PIK3C2G: variants seen among roughly 807,000 people sequenced by gnomAD.
PIK3C2G encodes phosphatidylinositol 3-kinase C2 domain-containing subunit gamma.
In PIK3C2G, 168 loss-of-function variants were observed where a neutral mutation model predicts 181.1. The ratio of observed to expected loss-of-function variants is 0.93; its 90% CI spans 0.82 to 1.05. The LOEUF (loss-of-function observed/expected upper bound fraction) is 1.05. Among genes scored for constraint, PIK3C2G ranks in the 50% least tolerant of loss-of-function variants. The probability of loss-of-function intolerance (pLI) is 0.00; values close to 1 mark genes in which losing one functional copy is unlikely to be tolerated. For missense variants in PIK3C2G, 1,869 were observed against 1,732.8 expected, an observed-to-expected ratio of 1.08 and a Z score of -1.40; for synonymous variants, 573 against 592.2, an observed-to-expected ratio of 0.97 and a Z score of 0.47.
chr12:18,450,534 C>T (rs1235477985), intron 18 of PIK3C2G, among the ~76,000 whole-genome samples: 1 of 152,138 alleles, frequency 6.6e-6, no homozygotes, highest in African/African-American at 2.4e-5. Context: ...CTGTACATTT[C>T]CTGTTCACTC....
the PIK3C2G span, chr12:18,723,574 G>A: frequency 3.9e-5 from 59 of 1,507,770 alleles, no homozygotes; most frequent in Middle Eastern, 3.5e-4. Flanking sequence ...GGCTCACATT[G>A]TGAGTATAAA....
intron 1 of PIK3C2G, among the ~76,000 whole-genome samples, chr12:18,274,752 A>G (rs1215381097): frequency 6.6e-6 from 1 of 152,172 alleles, no homozygotes; most frequent in African/African-American, 2.4e-5. Flanking sequence ...ATGTATCCAT[A>G]TGTAACAAAC....
intron 26 of PIK3C2G, among the ~76,000 whole-genome samples, chr12:18,555,226 T>C (rs899200235): frequency 6.6e-6 from 1 of 152,202 alleles, no homozygotes; most frequent in Non-Finnish European, 1.5e-5. Context: ...CATCAGGTGT[T>C]GCCTAAGAAC....
At chr12:18,659,108 A>C in the PIK3C2G span, among the ~76,000 whole-genome samples, 1 of 152,158 alleles carries the variant, frequency 6.6e-6, no homozygotes, top group African/African-American at 2.4e-5. Flanking sequence ...AGACACACTA[A>C]AAGTGGGCCA....
At position 18,390,263 on chromosome 12, in the gene PIK3C2G, G is replaced by A. The variant is rs116838649; in HGVS notation, c.1996-859G>A. ...AACTGAAACTCACACCATCTACTTT[G>A]TAAGGTTCCTCAATTTTTTCTGAGA... On this transcript the variant is annotated intron_variant, in intron 14 of 32. Coordinates refer to ENST00000538779, the MANE Select transcript of PIK3C2G (RefSeq NM_001288772.2). 1.4e-3 allele frequency among the ~76,000 whole-genome samples: 218 copies of A among 152,138 alleles called. 1 individual carries two copies. The highest frequency in any genetic ancestry group is 5.1e-3 in the African/African-American group (212 of 41,512).
chr12:18,694,304 C>T, the PIK3C2G span, among the ~76,000 whole-genome samples: 10,461 of 152,094 alleles, frequency 0.069, 410 homozygotes, highest in Middle Eastern at 0.088. Flanking sequence ...CCCAATAAAG[C>T]GCGCTCTTTC....
At chr12:18,610,841 C>T (rs1490913225) in intron 31 of PIK3C2G, among the ~76,000 whole-genome samples, 1 of 151,968 alleles carries the variant, frequency 6.6e-6, no homozygotes, top group African/African-American at 2.4e-5. Context: ...TACATATGTA[C>T]TTCATATATG....
intron 31 of PIK3C2G, among the ~76,000 whole-genome samples, chr12:18,617,447 T>G (rs764851366): frequency 9.9e-5 from 15 of 152,152 alleles, no homozygotes; most frequent in Non-Finnish European, 2.1e-4. Context: ...TTTATACATG[T>G]TTCACCAAAA....
At chr12:18,255,216 AAAATAAATAAAT>A (rs59041304) in intron 1 of PIK3C2G, among the ~76,000 whole-genome samples, 226 of 131,916 alleles carry the variant, frequency 1.7e-3, no homozygotes, top group African/African-American at 4.6e-3. Context: ...CTCCGTCTCA[AAAATAAATAAAT>A]AAATAAATAA....
chr12:18,362,184 G>A (rs1462524669), intron 11 of PIK3C2G, among the ~76,000 whole-genome samples: 3 of 152,126 alleles, frequency 2.0e-5, no homozygotes, highest in African/African-American at 4.8e-5. Context: ...GTGGAGAGAG[G>A]CAATAGCAAG....
At chr12:18,672,814 G>A in the PIK3C2G span, among the ~76,000 whole-genome samples, 1 of 152,132 alleles carries the variant, frequency 6.6e-6, no homozygotes, top group East Asian at 1.9e-4. Flanking sequence ...GAGCAAGAGG[G>A]CACAGAAATG....
chr12:18,502,432 G>T (rs1416462967), intron 22 of PIK3C2G, among the ~76,000 whole-genome samples: 1 of 152,148 alleles, frequency 6.6e-6, no homozygotes, highest in Non-Finnish European at 1.5e-5. Flanking sequence ...TCCTGCAATT[G>T]TCGAGACTAT....
At chr12:18,368,163 A>G (rs899469578) in intron 12 of PIK3C2G, among the ~76,000 whole-genome samples, 2 of 152,198 alleles carry the variant, frequency 1.3e-5, no homozygotes, top group Non-Finnish European at 2.9e-5. Context: ...TGGGGACACC[A>G]AGCCAAATCA....
Position 18,282,755 on chromosome 12 carries a change from T to G in PIK3C2G, c.674T>G (p.Ile225Arg). ...GMWESTWQKNIESIGCSIQLV... is the reference protein window; with the variant it reads ...GMWESTWQKNRESIGCSIQLV... ...TGGGAAAGTACATGGCAGAAGAATA[T>G]AGAGGTAAGTATAATACATGTCAAT... The change falls in exon 2 of 33, where the codon ATA becomes AGA. Residue 225 changes from isoleucine to arginine, a missense_variant. Physicochemically the swap from Ile to Arg is moderately conservative, Grantham distance 97. Transcript: ENST00000538779. 6.3e-7 allele frequency: 1 copy of G among 1,577,898 alleles called. No individual in the cohort carries two copies. Among genetic ancestry groups the G allele is most frequent in the Non-Finnish European group, 8.6e-7 (1 of 1,157,766 alleles).
intron 31 of PIK3C2G, among the ~76,000 whole-genome samples, chr12:18,618,013 A>G (rs1378181854): frequency 2.0e-5 from 3 of 152,202 alleles, no homozygotes; most frequent in South Asian, 2.1e-4. Flanking sequence ...TTTTAAAACT[A>G]TATAAGACAC....
At chr12:18,415,887 A>T (rs1206385047) in intron 16 of PIK3C2G, among the ~76,000 whole-genome samples, 1 of 152,182 alleles carries the variant, frequency 6.6e-6, no homozygotes, top group African/African-American at 2.4e-5. Flanking sequence ...AATTTCATGA[A>T]AGTTAAGAGA....
chr12:18,529,862 G>C (rs1012917464), intron 24 of PIK3C2G, among the ~76,000 whole-genome samples: 1 of 152,084 alleles, frequency 6.6e-6, no homozygotes, highest in Non-Finnish European at 1.5e-5. Flanking sequence ...GGGAAAGGTG[G>C]GGGAAAGACA....
At chr12:18,606,965 A>G (rs1443305464) in intron 30 of PIK3C2G, among the ~76,000 whole-genome samples, 1 of 152,164 alleles carries the variant, frequency 6.6e-6, no homozygotes, top group African/African-American at 2.4e-5. Context: ...TATTAAATAA[A>G]TGTTTAATGT....
At chr12:18,438,700 A>G (rs965939546) in intron 18 of PIK3C2G, among the ~76,000 whole-genome samples, 6 of 151,856 alleles carry the variant, frequency 4.0e-5, no homozygotes, top group African/African-American at 1.4e-4. Context: ...TATAAAAATA[A>G]CAATAAAAGA....
Sources: allele counts gnomAD v4.1 joint callset (sites outside exome capture counted in the v4.1 genomes callset), GRCh38; gene constraint gnomAD v4.1.1; transcripts MANE v1.5; gene names NCBI Gene and HGNC (gene_info 2026-07-23, HGNC 2026-07-21).